The following ARHGEF38 variants were observed in gnomAD, a reference collection of about 807,000 sequenced individuals.
ARHGEF38 encodes the protein Rho guanine nucleotide exchange factor 38.
Under a neutral mutation model 79.9 loss-of-function variants are expected in ARHGEF38, and 79 were observed. That is an observed-to-expected ratio of 0.99 (90% CI 0.82 to 1.19). The LOEUF (loss-of-function observed/expected upper bound fraction) is 1.19. Ranked by LOEUF, ARHGEF38 falls within the 50% of genes most tolerant of loss-of-function variation. ARHGEF38 has a pLI of 0.00. For synonymous variants in ARHGEF38, 366 were observed against 328.3 expected (o/e 1.11, Z -1.24); for missense variants, 962 against 907.2 (o/e 1.06, Z -0.78).
intron 2 of ARHGEF38, among the ~76,000 whole-genome samples, chr4:105,591,849 A>T (rs1270288598): frequency 2.0e-5 from 3 of 152,212 alleles, no homozygotes; most frequent in South Asian, 2.1e-4. Context: ...TAAGAGTAGA[A>T]GTAATATTGA....
At chr4:105,674,676 G>T (rs1731060169) in intron 13 of ARHGEF38, among the ~76,000 whole-genome samples, 1 of 151,950 alleles carries the variant, frequency 6.6e-6, no homozygotes, top group African/African-American at 2.4e-5. Context: ...ACTAAAAAGT[G>T]CTCATCCTAA....
intron 1 of ARHGEF38, among the ~76,000 whole-genome samples, chr4:105,556,644 G>A (rs970516313): frequency 1.3e-5 from 2 of 151,718 alleles, no homozygotes; most frequent in African/African-American, 4.8e-5. Flanking sequence ...CTCCCTCCCC[G>A]CTCATACACC....
intron 5 of ARHGEF38, among the ~76,000 whole-genome samples, chr4:105,644,055 A>G (rs541315033): frequency 4.6e-5 from 7 of 151,120 alleles, no homozygotes; most frequent in Non-Finnish European, 7.4e-5. Flanking sequence ...TTTTCTAGAG[A>G]CGGGGTTTTG....
chr4:105,614,237 A>T (rs980823389), intron 3 of ARHGEF38, among the ~76,000 whole-genome samples: 2 of 152,148 alleles, frequency 1.3e-5, no homozygotes, highest in Non-Finnish European at 2.9e-5. Context: ...AGAGTTTTTT[A>T]AAATTATCGT....
At position 105,667,497 on chromosome 4, in the gene ARHGEF38, A is replaced by T. The variant is rs1254712459; in HGVS notation, c.1942A>T (p.Met648Leu). The change falls in exon 13 of 14, where the codon ATG becomes TTG. Residue 648 changes from methionine (M) to leucine (L), a missense_variant. Coordinates refer to ENST00000420470, the MANE Select transcript of ARHGEF38 (RefSeq NM_001242729.2). ...CCTAAAACCCTACAATCCAGCAAAA[A>T]TGCAGAAAGTGGATGCTGAGAACAG... ...SFLKPYNPAKMQKVDAENRFC... is the reference protein window; with the variant it reads ...SFLKPYNPAKLQKVDAENRFC... 11 of 1,536,400 alleles carry T rather than the reference A, an allele frequency of 7.2e-6. No individual in the cohort carries two copies. The highest frequency in any genetic ancestry group is 8.7e-6 in the Non-Finnish European group (10 of 1,146,970).
chr4:105,665,597 G>T (rs931034569), intron 10 of ARHGEF38, among the ~76,000 whole-genome samples: 2 of 151,942 alleles, frequency 1.3e-5, no homozygotes, highest in African/African-American at 4.8e-5. Flanking sequence ...TACCATGCCT[G>T]GCTAAGATTT....
chr4:105,598,846 A>T (rs1727700255), intron 2 of ARHGEF38, among the ~76,000 whole-genome samples: 1 of 152,340 alleles, frequency 6.6e-6, no homozygotes, highest in South Asian at 2.1e-4. Flanking sequence ...TGTGTTAATA[A>T]GGGCAGTTCC....
At position 105,680,085 on chromosome 4, in the gene ARHGEF38, G is replaced by A; in HGVS notation, c.*2148G>A. On this transcript the variant is annotated 3_prime_UTR_variant, in exon 14 of 14. Transcript: ENST00000420470. The stretch of plus-strand genomic sequence containing the variant: ...CTCCCTTCAGATCCACTGTAGACTT[G>A]AAGGACATCTCATTTTCATCTGTGT... 1.3e-6 allele frequency: 1 copy of A among 761,438 alleles called. No individual in the cohort carries two copies. The highest frequency in any genetic ancestry group is 1.3e-5 in the South Asian group (1 of 74,334). 47.2% of individuals were successfully genotyped at this position (761,438 alleles called of 1,614,324 possible).
intron 13 of ARHGEF38, among the ~76,000 whole-genome samples, chr4:105,676,662 T>C (rs1471581943): frequency 2.0e-5 from 3 of 152,304 alleles, no homozygotes; most frequent in Admixed American, 6.5e-5. Flanking sequence ...TTAATAATTA[T>C]AAATTGTTCT....
At chr4:105,598,251 T>C (rs552935028) in intron 2 of ARHGEF38, among the ~76,000 whole-genome samples, 4 of 152,316 alleles carry the variant, frequency 2.6e-5, no homozygotes, top group African/African-American at 9.6e-5. Flanking sequence ...CCACCCACTG[T>C]AGAGTAAGGC....
intron 7 of ARHGEF38, among the ~76,000 whole-genome samples, chr4:105,651,080 A>G (rs748871989): frequency 3.9e-5 from 6 of 152,248 alleles, no homozygotes; most frequent in Admixed American, 3.9e-4. Context: ...AATAGTAGGC[A>G]GCCTCTAATT....
rs1045173739 is a variant in ARHGEF38, at chr4:105,648,700, A to G, written c.1008+18A>G. The G allele has an allele frequency of 6.7e-6, 10 of 1,497,060 alleles. No individual in the cohort carries two copies. In the Admixed American group the frequency reaches 1.2e-4, roughly 18 times the overall value. The allele number at this position is 1,497,060 out of a possible 1,614,324, so 92.7% of individuals were successfully genotyped here. A position where few individuals can be genotyped will look rare whatever the true frequency, so the allele number is the denominator to read the frequency against. ...AATCACAGGTAATTTTTCTTCTTGG[A>G]CCACCCACCTTTTCCCAGGGAACAT... On this transcript the variant is annotated intron_variant, in intron 7 of 13. Coordinates refer to ENST00000420470, the MANE Select transcript of ARHGEF38 (RefSeq NM_001242729.2).
intron 13 of ARHGEF38, among the ~76,000 whole-genome samples, chr4:105,671,365 T>C (rs2110583371): frequency 6.6e-6 from 1 of 152,308 alleles, no homozygotes; most frequent in East Asian, 1.9e-4. Flanking sequence ...AGGATGCACC[T>C]GTTGGAAACT....
intron 1 of ARHGEF38, among the ~76,000 whole-genome samples, chr4:105,587,610 G>A (rs1256907816): frequency 3.9e-5 from 6 of 152,202 alleles, no homozygotes; most frequent in African/African-American, 1.2e-4. Context: ...ACAGGAGTCC[G>A]CCACCACGCC....
At chr4:105,675,444 T>G (rs1024662262) in intron 13 of ARHGEF38, among the ~76,000 whole-genome samples, 4 of 152,206 alleles carry the variant, frequency 2.6e-5, no homozygotes, top group Non-Finnish European at 5.9e-5. Flanking sequence ...CTTAAAAAAA[T>G]TATGTAATAA....
At chr4:105,625,967 G>T (rs1489204509) in intron 3 of ARHGEF38, among the ~76,000 whole-genome samples, 1 of 152,030 alleles carries the variant, frequency 6.6e-6, no homozygotes, top group African/African-American at 2.4e-5. Context: ...CAATGTTAGT[G>T]TTTGCCACCA....
intron 13 of ARHGEF38, among the ~76,000 whole-genome samples, chr4:105,673,751 T>C (rs1731028903): frequency 6.6e-6 from 1 of 152,094 alleles, no homozygotes; most frequent in African/African-American, 2.4e-5. Context: ...AAGATACTAA[T>C]AGCAGTTGGG....
intron 1 of ARHGEF38, among the ~76,000 whole-genome samples, chr4:105,569,539 A>G (rs1239901016): frequency 6.6e-6 from 1 of 152,220 alleles, no homozygotes; most frequent in African/African-American, 2.4e-5. Flanking sequence ...GGTCGTAAAA[A>G]CAATGACTGA....
At chr4:105,585,424 T>A (rs1205125595) in intron 1 of ARHGEF38, among the ~76,000 whole-genome samples, 1 of 152,212 alleles carries the variant, frequency 6.6e-6, no homozygotes, top group Non-Finnish European at 1.5e-5. Context: ...AACCTCTTTT[T>A]ATATAAACTT....
Sources: gnomAD v4.1 joint callset for allele counts (sites outside exome capture counted in the v4.1 genomes callset) on GRCh38, gnomAD v4.1.1 for gene constraint, MANE v1.5 for transcripts, NCBI Gene and HGNC (gene_info 2026-07-23, HGNC 2026-07-21) for gene names.